The following ADGRL3 variants were observed in gnomAD, a reference collection of about 807,000 sequenced individuals.
ADGRL3 encodes calcium-independent alpha-latrotoxin receptor 3.
ADGRL3 carries 62 observed loss-of-function variants against 153.5 expected under a neutral mutation model. The ratio of observed to expected loss-of-function variants is 0.40; its 90% CI spans 0.33 to 0.50. The LOEUF (loss-of-function observed/expected upper bound fraction) is 0.50, where lower values mean the gene tolerates loss of function less well. Ranked by LOEUF, ADGRL3 falls within the 20% of genes least tolerant of loss-of-function variation. The pLI is 0.47. For missense variants in ADGRL3, 1,641 were observed against 1,859.4 expected (o/e 0.88, Z 2.16); for synonymous variants, 710 against 672.5 (o/e 1.06, Z -0.86).
At chr4:61,676,738 C>A in intron 5 of ADGRL3, 88 bp from the exon 6 acceptor site, 1 of 919,564 alleles carries the variant, frequency 1.1e-6, no homozygotes, top group South Asian at 1.4e-5. Flanking sequence ...ATCTGTATAA[C>A]AGGAACTAAA....
chr4:61,209,948 C>T (rs1566981), intron 1 of ADGRL3, among the ~76,000 whole-genome samples: 28,186 of 151,734 alleles, frequency 0.19, 3,025 homozygotes, highest in East Asian at 0.49. Context: ...ATTTATAATC[C>T]CAGATTTTAA....
chr4:61,358,538 A>AGTGAGTG (rs1349845877), intron 1 of ADGRL3, among the ~76,000 whole-genome samples: 1 of 140,404 alleles, frequency 7.1e-6, no homozygotes, highest in Non-Finnish European at 1.5e-5. Context: ...CGGAGCTTGC[A>AGTGAGTG]GTGAGTGGAG....
intron 1 of ADGRL3, among the ~76,000 whole-genome samples, chr4:61,344,322 T>C (rs2095859201): frequency 6.6e-6 from 1 of 152,230 alleles, no homozygotes; most frequent in South Asian, 2.1e-4. Flanking sequence ...AATTTAGTGA[T>C]TCTGATAGGT....
At chr4:62,029,447 A>G (rs781182487) in intron 22 of ADGRL3, among the ~76,000 whole-genome samples, 10 of 151,806 alleles carry the variant, frequency 6.6e-5, no homozygotes, top group Non-Finnish European at 1.0e-4. Flanking sequence ...TCTAATCTGT[A>G]TGAATATATT....
At chr4:61,885,552 G>A (rs543924711) in intron 9 of ADGRL3, among the ~76,000 whole-genome samples, 2 of 152,162 alleles carry the variant, frequency 1.3e-5, no homozygotes, top group Admixed American at 6.5e-5. Context: ...GAATATTGCC[G>A]GGCCCATAAT....
intron 5 of ADGRL3, among the ~76,000 whole-genome samples, chr4:61,626,849 C>A (rs751481226): frequency 2.0e-5 from 3 of 151,994 alleles, no homozygotes; most frequent in Non-Finnish European, 4.4e-5. Flanking sequence ...ATGTAATATA[C>A]TACTCAGACG....
At chr4:61,965,490 CTG>C (rs879679839) in intron 17 of ADGRL3, among the ~76,000 whole-genome samples, 60 of 152,210 alleles carry the variant, frequency 3.9e-4, no homozygotes, top group Admixed American at 3.7e-3. Flanking sequence ...TGGCTCACGC[CTG>C]TAATCCCAGC....
intron 8 of ADGRL3, among the ~76,000 whole-genome samples, chr4:61,779,537 T>G (rs2345046): frequency 0.56 from 83,491 of 148,708 alleles, 25,474 homozygotes; most frequent in African/African-American, 0.81. Context: ...AGGAGGCTGA[T>G]GCACGAGAAT....
At chr4:61,825,339 G>A (rs1057200227) in intron 9 of ADGRL3, among the ~76,000 whole-genome samples, 4 of 152,102 alleles carry the variant, frequency 2.6e-5, no homozygotes, top group African/African-American at 4.8e-5. Flanking sequence ...GATATTATAT[G>A]TGAAAATGCT....
At chr4:61,267,144 A>G (rs2092897644) in intron 1 of ADGRL3, among the ~76,000 whole-genome samples, 1 of 151,772 alleles carries the variant, frequency 6.6e-6, no homozygotes, top group South Asian at 2.1e-4. Context: ...CTGAAAAATT[A>G]AACTTTCAAT....
At chr4:61,304,740 T>C (rs958621188) in intron 1 of ADGRL3, among the ~76,000 whole-genome samples, 1 of 152,220 alleles carries the variant, frequency 6.6e-6, no homozygotes, top group East Asian at 1.9e-4. Context: ...GGGTTTTGAT[T>C]GGTAAAACTT....
chr4:61,683,045 GGGT>G (rs1414984634), intron 6 of ADGRL3, among the ~76,000 whole-genome samples: 1 of 151,826 alleles, frequency 6.6e-6, no homozygotes, highest in Admixed American at 6.6e-5. Context: ...TATTTGACTA[GGGT>G]GGTGGTGGTG....
At chr4:61,624,311 G>A (rs555465591) in intron 5 of ADGRL3, among the ~76,000 whole-genome samples, 2 of 152,112 alleles carry the variant, frequency 1.3e-5, no homozygotes, top group Non-Finnish European at 2.9e-5. Flanking sequence ...GGTTATTAGA[G>A]TCTAAGGGAG....
chr4:61,628,264 T>A (rs183174793), intron 5 of ADGRL3, among the ~76,000 whole-genome samples: 5 of 152,312 alleles, frequency 3.3e-5, no homozygotes, highest in Admixed American at 6.5e-5. Flanking sequence ...TGGTGAAGTC[T>A]GGAGACAAAT....
intron 4 of ADGRL3, among the ~76,000 whole-genome samples, chr4:61,578,387 A>G (rs2098903955): frequency 6.6e-6 from 1 of 152,040 alleles, no homozygotes; most frequent in Non-Finnish European, 1.5e-5. Flanking sequence ...AGCGATTACC[A>G]TTGTCATATT....
chr4:61,521,549 C>G (rs960853553), intron 4 of ADGRL3, among the ~76,000 whole-genome samples: 11 of 152,080 alleles, frequency 7.2e-5, no homozygotes, highest in African/African-American at 1.2e-4. Context: ...GAGTGTTCAT[C>G]ATGTTGATGC....
At position 61,469,161 on chromosome 4, in the gene ADGRL3, T is replaced by C. The variant is rs114753614; in HGVS notation, c.-173-27960T>C. On this transcript the variant is annotated intron_variant, in intron 2 of 26. Coordinates refer to ENST00000683033, the MANE Select transcript of ADGRL3 (RefSeq NM_001387552.1). ...ATCTTAGAAGGGCAGTATTACCTTC[T>C]AGTTTAAGGTAAGGGCTCTGGAGCC... Among the ~76,000 whole-genome samples the C allele has an allele frequency of 3.9e-3, 586 of 152,198 alleles. 5 individuals are homozygous for C. Among genetic ancestry groups the C allele is most frequent in the African/African-American group, 0.013 (545 of 41,564 alleles).
At chr4:61,990,240 A>G (rs1217717942) in intron 19 of ADGRL3, among the ~76,000 whole-genome samples, 2 of 152,196 alleles carry the variant, frequency 1.3e-5, no homozygotes, top group South Asian at 4.1e-4. Flanking sequence ...CATAAAATAC[A>G]TAAACTTTAA....
intron 3 of ADGRL3, among the ~76,000 whole-genome samples, chr4:61,503,320 A>G (rs572597891): frequency 3.3e-5 from 5 of 152,236 alleles, no homozygotes; most frequent in African/African-American, 9.6e-5. Flanking sequence ...GCATTTTTCT[A>G]TATTGAAATT....
Sources: gnomAD v4.1 joint callset for allele counts (sites outside exome capture counted in the v4.1 genomes callset) on GRCh38, gnomAD v4.1.1 for gene constraint, MANE v1.5 for transcripts, NCBI Gene and HGNC (gene_info 2026-07-23, HGNC 2026-07-21) for gene names.